The following MEF2A variants were observed in gnomAD, a reference collection of about 807,000 sequenced individuals.
MEF2A encodes myocyte enhancer factor 2A, also known as myocyte-specific enhancer factor 2A.
In MEF2A, 28 loss-of-function variants were observed where a neutral mutation model predicts 55.8. That is an observed-to-expected ratio of 0.50 (90% CI 0.37 to 0.69). The LOEUF (loss-of-function observed/expected upper bound fraction) is 0.69. Among genes scored for constraint, MEF2A ranks in the 30% least tolerant of loss-of-function variants. MEF2A has a pLI of 0.00. For missense variants in MEF2A, 528 were observed against 626.2 expected (o/e 0.84, Z 1.67); for synonymous variants, 239 against 227.1 (o/e 1.05, Z -0.47).
At chr15:99,572,497 G>A (rs576632157) in intron 1 of MEF2A, among the ~76,000 whole-genome samples, 2 of 150,774 alleles carry the variant, frequency 1.3e-5, no homozygotes, top group Non-Finnish European at 3.0e-5. Context: ...TATGGTATTT[G>A]TCCATTACCT....
chr15:99,701,158 T>C (rs1368273894), intron 8 of MEF2A, among the ~76,000 whole-genome samples: 1 of 152,138 alleles, frequency 6.6e-6, no homozygotes, highest in Non-Finnish European at 1.5e-5. Context: ...GAATTAGAAA[T>C]AAGAGAATCC....
chr15:99,573,178 T>C (rs768592137), intron 1 of MEF2A, among the ~76,000 whole-genome samples: 4 of 149,314 alleles, frequency 2.7e-5, no homozygotes, highest in Admixed American at 6.8e-5. Context: ...GTCCCAGCTA[T>C]GCGGGAGGCT....
chr15:99,652,713 A>G (rs1193549274), intron 4 of MEF2A, among the ~76,000 whole-genome samples: 1 of 152,228 alleles, frequency 6.6e-6, no homozygotes, highest in Non-Finnish European at 1.5e-5. Context: ...TGAATAAAAT[A>G]GCTGCTTAGG....
At chr15:99,592,127 T>A (rs1969505885) in intron 1 of MEF2A, among the ~76,000 whole-genome samples, 1 of 152,114 alleles carries the variant, frequency 6.6e-6, no homozygotes, top group East Asian at 1.9e-4. Context: ...TGTATGAACC[T>A]TTTGAGCTTG....
At chr15:99,624,096 C>T (rs539378713) in intron 2 of MEF2A, among the ~76,000 whole-genome samples, 75 of 152,236 alleles carry the variant, frequency 4.9e-4, no homozygotes, top group African/African-American at 1.7e-3. Context: ...ATGAGCATGG[C>T]GCCCGGCCGT....
chr15:99,608,600 A>G (rs1975968447), intron 2 of MEF2A, among the ~76,000 whole-genome samples: 1 of 152,216 alleles, frequency 6.6e-6, no homozygotes, highest in African/African-American at 2.4e-5. Context: ...TAAACACATG[A>G]TAAAAAGTAA....
At position 99,696,338 on chromosome 15, in the gene MEF2A, C is replaced by T. The variant is rs191873553; in HGVS notation, c.858+5910C>T. Among the ~76,000 whole-genome samples the T allele has an allele frequency of 2.9e-4, 44 of 152,264 alleles. No homozygotes were observed. In the East Asian group the frequency reaches 4.6e-3, roughly 16 times the overall value. On this transcript the variant is annotated intron_variant, in intron 8 of 11. Transcript: ENST00000557942. ...TCACAAGTGCACATGGAACATTCACCAAGATCACATCCTGTGCCAGGAAAC... is the reference window on the plus strand; with the variant it reads ...TCACAAGTGCACATGGAACATTCACTAAGATCACATCCTGTGCCAGGAAAC...
chr15:99,661,723 C>G (rs1230355128), intron 4 of MEF2A, among the ~76,000 whole-genome samples: 1 of 151,778 alleles, frequency 6.6e-6, no homozygotes, highest in South Asian at 2.1e-4. Context: ...GACAGTTTGG[C>G]ATTATCTAGT....
intron 3 of MEF2A, among the ~76,000 whole-genome samples, chr15:99,636,564 C>T (rs987650533): frequency 6.6e-6 from 1 of 152,140 alleles, no homozygotes; most frequent in Non-Finnish European, 1.5e-5. Context: ...GTCAGGAACT[C>T]CTGGCCTTAA....
intron 4 of MEF2A, among the ~76,000 whole-genome samples, 176 bp from the exon 5 acceptor site, chr15:99,671,147 T>TA (rs2050790427): frequency 6.6e-6 from 1 of 152,260 alleles, no homozygotes; most frequent in South Asian, 2.1e-4. Flanking sequence ...TAATTTTACT[T>TA]ATATTTAATG....
intron 8 of MEF2A, among the ~76,000 whole-genome samples, chr15:99,696,977 G>A (rs1204622684): frequency 6.6e-6 from 1 of 151,918 alleles, no homozygotes; most frequent in Non-Finnish European, 1.5e-5. Context: ...TTTATCCCAG[G>A]AATGCAAGGC....
At chr15:99,572,915 CT>C (rs1443026415) in intron 1 of MEF2A, among the ~76,000 whole-genome samples, 1 of 152,186 alleles carries the variant, frequency 6.6e-6, no homozygotes, top group Non-Finnish European at 1.5e-5. Flanking sequence ...CCAGCTGGCT[CT>C]TTTGTGTGCT....
At chr15:99,601,226 A>G (rs1287084930) in intron 2 of MEF2A, among the ~76,000 whole-genome samples, 4 of 152,210 alleles carry the variant, frequency 2.6e-5, no homozygotes, top group Non-Finnish European at 5.9e-5. Flanking sequence ...TGATTTTTAT[A>G]TAAAACTTTA....
At chr15:99,650,287 T>G (rs768685094) in intron 4 of MEF2A, among the ~76,000 whole-genome samples, 1 of 152,198 alleles carries the variant, frequency 6.6e-6, no homozygotes. Flanking sequence ...TTCCCCTTGC[T>G]CCTTAGTTCA....
At chr15:99,582,321 T>TG (rs1162626551) in intron 1 of MEF2A, among the ~76,000 whole-genome samples, 3 of 152,116 alleles carry the variant, frequency 2.0e-5, no homozygotes, top group Non-Finnish European at 1.5e-5. Flanking sequence ...GAGTGGAAGA[T>TG]GGGGGTAAAG....
At chr15:99,570,580 G>A (rs1961774053) in intron 1 of MEF2A, among the ~76,000 whole-genome samples, 1 of 152,122 alleles carries the variant, frequency 6.6e-6, no homozygotes, top group Non-Finnish European at 1.5e-5. Flanking sequence ...AGGTTGACGT[G>A]GATTCATTTG....
chr15:99,654,587 G>GA (rs2047394762), intron 4 of MEF2A, among the ~76,000 whole-genome samples: 1 of 150,834 alleles, frequency 6.6e-6, no homozygotes, highest in Non-Finnish European at 1.5e-5. Flanking sequence ...AAAAAGGGGG[G>GA]GGTATTGGTT....
At chr15:99,687,084 C>CTTTTTTCT (rs2054394089) in intron 7 of MEF2A, among the ~76,000 whole-genome samples, 10 of 67,754 alleles carry the variant, frequency 1.5e-4, no homozygotes, top group Non-Finnish European at 2.6e-4. Context: ...ATTAATTTTT[C>CTTTTTTCT]TTTTTTTTTT....
chr15:99,583,898 G>C (rs542514098), intron 1 of MEF2A, among the ~76,000 whole-genome samples: 1 of 152,124 alleles, frequency 6.6e-6, no homozygotes, highest in Admixed American at 6.5e-5. Context: ...AGCCAATTTT[G>C]TTACTTTGTG....
Sources: allele counts gnomAD v4.1 joint callset (sites outside exome capture counted in the v4.1 genomes callset), GRCh38; gene constraint gnomAD v4.1.1; transcripts MANE v1.5; gene names NCBI Gene and HGNC (gene_info 2026-07-23, HGNC 2026-07-21).